USP9Y: variants seen among roughly 807,000 people sequenced by gnomAD.
The protein encoded by USP9Y is ubiquitin carboxyl-terminal hydrolase 9Y.
A neutral mutation model predicts 53.1 loss-of-function variants in USP9Y; 41 were observed. That is an observed-to-expected ratio of 0.77 (90% CI 0.60 to 1.00). The LOEUF (loss-of-function observed/expected upper bound fraction) is 1.00, where lower values mean the gene tolerates loss of function less well. Ranked by LOEUF, USP9Y falls within the 50% of genes least tolerant of loss-of-function variation. The probability of loss-of-function intolerance (pLI) is 0.00; values close to 1 mark genes in which losing one functional copy is unlikely to be tolerated. For synonymous variants in USP9Y, 220 were observed against 173.7 expected (o/e 1.27, Z -2.09); for missense variants, 567 against 535.8 (o/e 1.06, Z -0.58).
In USP9Y at chrY:12,856,259, G is replaced by A. The variant is rs768231396; in HGVS notation, c.7065-81G>A. 5.3e-5 allele frequency: 14 copies of A among 264,798 alleles called. No homozygotes were observed. In the African/African-American group the frequency reaches 9.0e-4, roughly 17 times the overall value. 66.1% of individuals were successfully genotyped at this position (264,798 alleles called of 400,897 possible). On this transcript the variant is annotated intron_variant, in intron 42 of 45. Coordinates refer to ENST00000338981, the MANE Select transcript of USP9Y (RefSeq NM_004654.4). Reference sequence around the variant, plus strand: ...TAGATTATATGATTACATCAAAAAAGTACTAAATGGCACATAATTAGGAAC... The same window carrying A: ...TAGATTATATGATTACATCAAAAAAATACTAAATGGCACATAATTAGGAAC...
chrY:12,852,731 G>GCTAT (rs2053572413), intron 42 of USP9Y, among the ~76,000 whole-genome samples: 1 of 33,485 alleles, frequency 3.0e-5, no homozygotes, highest in African/African-American at 1.2e-4. Context: ...TGATGTTGAT[G>GCTAT]CTATTCCTTT....
At chrY:12,822,750 G>C (rs1603202448) in intron 33 of USP9Y, among the ~76,000 whole-genome samples, 1 of 32,959 alleles carries the variant, frequency 3.0e-5, no homozygotes, top group Non-Finnish European at 7.5e-5. Flanking sequence ...TATTTCTATC[G>C]TGGCAGAATG....
At chrY:12,744,932 A>T in intron 12 of USP9Y, among the ~76,000 whole-genome samples, 1 of 33,483 alleles carries the variant, frequency 3.0e-5, no homozygotes, top group Non-Finnish European at 7.4e-5. Context: ...CATTTGTAGG[A>T]TAATCGCCCT....
chrY:12,797,189 C>T (rs918655112), intron 27 of USP9Y, among the ~76,000 whole-genome samples: 1 of 33,731 alleles, frequency 3.0e-5, no homozygotes, highest in African/African-American at 1.2e-4. Flanking sequence ...TGAAAAGAAT[C>T]AAACTCTATA....
At chrY:12,805,336 G>C (rs1569390685) in intron 27 of USP9Y, among the ~76,000 whole-genome samples, 1 of 32,244 alleles carries the variant, frequency 3.1e-5, no homozygotes, top group East Asian at 8.0e-4. Flanking sequence ...TTTTCTTTAG[G>C]TATGCTTTTT....
intron 18 of USP9Y, 52 bp downstream of exon 18, chrY:12,775,618 G>T: frequency 4.1e-6 from 1 of 244,720 alleles, no homozygotes; most frequent in South Asian, 3.8e-5. Context: ...TAAGTTGTTG[G>T]GTAGTATCTT....
intron 16 of USP9Y, 58 bp from the exon 17 acceptor site, chrY:12,773,525 A>C: frequency 3.1e-6 from 1 of 318,437 alleles, no homozygotes; most frequent in East Asian, 9.5e-5. Context: ...GCCTGTCAAA[A>C]CTTGCTTTGC....
At chrY:12,832,683 A>G in intron 33 of USP9Y, among the ~76,000 whole-genome samples, 1 of 33,919 alleles carries the variant, frequency 2.9e-5, no homozygotes, top group Non-Finnish European at 7.4e-5. Context: ...CACTAAATCT[A>G]TATGCTTTCC....
chrY:12,792,629 T>G, intron 26 of USP9Y, among the ~76,000 whole-genome samples: 1 of 34,272 alleles, frequency 2.9e-5, no homozygotes, highest in Non-Finnish European at 7.3e-5. Context: ...GATTAAAAAT[T>G]ATTAGCTACC....
intron 12 of USP9Y, among the ~76,000 whole-genome samples, chrY:12,740,883 A>G (rs1293003505): frequency 3.2e-5 from 1 of 31,625 alleles, no homozygotes; most frequent in South Asian, 7.5e-4. Flanking sequence ...TTTAATTCAT[A>G]AATTCTCAAG....
At chrY:12,721,982 T>C in intron 4 of USP9Y, 126 bp from the exon 5 acceptor site, 1 of 183,015 alleles carries the variant, frequency 5.5e-6, no homozygotes, top group East Asian at 1.1e-4. Context: ...GTCTATATGG[T>C]GAATATAATA....
chrY:12,818,913 C>T, intron 33 of USP9Y, among the ~76,000 whole-genome samples: 1 of 33,647 alleles, frequency 3.0e-5, no homozygotes, highest in Non-Finnish European at 7.4e-5. Context: ...GGCACGGTGG[C>T]TCACGCCTGT....
At chrY:12,735,524 T>G in intron 7 of USP9Y, 88 bp from the exon 8 acceptor site, 1 of 168,780 alleles carries the variant, frequency 5.9e-6, no homozygotes, top group Non-Finnish European at 1.1e-5. Flanking sequence ...AATTTTCCAT[T>G]TCTAGTATGC....
intron 22 of USP9Y, among the ~76,000 whole-genome samples, chrY:12,780,427 T>C (rs2053497681): frequency 3.0e-5 from 1 of 33,103 alleles, no homozygotes; most frequent in African/African-American, 1.2e-4. Flanking sequence ...GGTGGTCTTC[T>C]GGTGCTCCTT....
chrY:12,836,104 A>G, intron 34 of USP9Y, among the ~76,000 whole-genome samples: 1 of 32,857 alleles, frequency 3.0e-5, no homozygotes, highest in Non-Finnish European at 7.4e-5. Flanking sequence ...AGTAGCTGGC[A>G]CTACAGACAA....
intron 34 of USP9Y, among the ~76,000 whole-genome samples, chrY:12,836,967 A>G (rs576045414): frequency 3.3e-3 from 108 of 32,756 alleles, no homozygotes; most frequent in African/African-American, 0.012. Context: ...TGGCCTCCCA[A>G]AGTGCTGAGA....
chrY:12,839,970 A>G lies in USP9Y; in HGVS notation c.5444A>G (p.Asn1815Ser). 2.5e-6 allele frequency: 1 copy of G among 398,547 alleles called. No homozygotes were observed. The highest frequency in any genetic ancestry group is 3.5e-6 in the Non-Finnish European group (1 of 283,469). Reference protein sequence around the residue: ...DWERECAIKFNDYFEFPRELD... With the variant: ...DWERECAIKFSDYFEFPRELD... ...GAAAGAGAATGTGCAATTAAATTCAATGATTATTTTGAATTTCCTCGAGAG... is the reference window on the plus strand; with the variant it reads ...GAAAGAGAATGTGCAATTAAATTCAGTGATTATTTTGAATTTCCTCGAGAG... Residue 1815 changes from asparagine to serine, a missense_variant, in exon 36 of 46, where the codon AAT (asparagine) becomes AGT (serine). Transcript: ENST00000338981.
At chrY:12,794,081 A>G (rs746494592) in intron 27 of USP9Y, among the ~76,000 whole-genome samples, 1 of 33,468 alleles carries the variant, frequency 3.0e-5, no homozygotes, top group Non-Finnish European at 7.4e-5. Flanking sequence ...CTTTTTTAAC[A>G]TTGGCTTCAC....
At chrY:12,821,528 T>C (rs912396993) in intron 33 of USP9Y, among the ~76,000 whole-genome samples, 1 of 32,837 alleles carries the variant, frequency 3.0e-5, no homozygotes. Context: ...CTTTTTGGAG[T>C]AGACCTAGAA....
Sources: gnomAD v4.1 joint callset for allele counts (sites outside exome capture counted in the v4.1 genomes callset) on GRCh38, gnomAD v4.1.1 for gene constraint, MANE v1.5 for transcripts, NCBI Gene and HGNC (gene_info 2026-07-23, HGNC 2026-07-21) for gene names.